Variants in FILIP1L observed in about 807,000 individuals in gnomAD.
FILIP1L encodes filamin A-interacting protein 1-like.
Under a neutral mutation model 96.6 loss-of-function variants are expected in FILIP1L, and 55 were observed. That is an observed-to-expected ratio of 0.57 (90% CI 0.46 to 0.71). The LOEUF (loss-of-function observed/expected upper bound fraction) is 0.71, where lower values mean the gene tolerates loss of function less well. Ranked by LOEUF, FILIP1L falls within the 30% of genes least tolerant of loss-of-function variation. The pLI is 0.00. For synonymous variants in FILIP1L, 467 were observed against 473.9 expected, an observed-to-expected ratio of 0.99 and a Z score of 0.19; for missense variants, 1,304 against 1,321.2, an observed-to-expected ratio of 0.99 and a Z score of 0.20.
At chr3:100,042,403 G>A (rs1017808283) in intron 1 of FILIP1L, among the ~76,000 whole-genome samples, 3 of 152,094 alleles carry the variant, frequency 2.0e-5, no homozygotes, top group Non-Finnish European at 4.4e-5. Flanking sequence ...CTGATGTTTC[G>A]TCAGCTAGCC....
chr3:99,854,570 AT>A (rs1943862431), intron 4 of FILIP1L, among the ~76,000 whole-genome samples: 1 of 152,244 alleles, frequency 6.6e-6, no homozygotes, highest in Non-Finnish European at 1.5e-5. Flanking sequence ...CACTGTTGAT[AT>A]TTGGGGCCAG....
At chr3:100,060,686 C>G (rs1049658367) in intron 1 of FILIP1L, among the ~76,000 whole-genome samples, 1 of 151,936 alleles carries the variant, frequency 6.6e-6, no homozygotes, top group Non-Finnish European at 1.5e-5. Flanking sequence ...GAAACCCCAT[C>G]TCCACAAAAA....
chr3:99,959,679 A>C (rs1708437064), intron 1 of FILIP1L, among the ~76,000 whole-genome samples: 1 of 152,220 alleles, frequency 6.6e-6, no homozygotes, highest in Admixed American at 6.5e-5. Flanking sequence ...AGTTGTAATA[A>C]AGATGCTTAT....
At chr3:99,915,334 T>C (rs1196223745) in intron 4 of FILIP1L, among the ~76,000 whole-genome samples, 4 of 152,200 alleles carry the variant, frequency 2.6e-5, no homozygotes, top group Non-Finnish European at 5.9e-5. Context: ...CTCTTGGTCC[T>C]GTGGAAGGGG....
chr3:99,920,590 C>T (rs527380012), intron 4 of FILIP1L, among the ~76,000 whole-genome samples: 4 of 152,302 alleles, frequency 2.6e-5, no homozygotes, highest in African/African-American at 9.6e-5. Context: ...CAGACCAAAC[C>T]GCACAGATTA....
At chr3:100,072,096 T>G (rs908072103) in intron 1 of FILIP1L, among the ~76,000 whole-genome samples, 5 of 152,208 alleles carry the variant, frequency 3.3e-5, no homozygotes, top group African/African-American at 4.8e-5. Flanking sequence ...AAGAGAAAGA[T>G]GGACTCATCA....
rs374199598 is a variant in FILIP1L at position 99,908,493 on chromosome 3, C to G, written c.605+15737G>C. Among the ~76,000 whole-genome samples the G allele has an allele frequency of 5.3e-5, 8 of 152,088 alleles. No homozygotes were observed. The East Asian group carries it at 9.7e-4, about 18-fold the overall frequency. ...AGGAATCTATACTTTTAAGTGTCTC[C>G]CCAGGCAATAATGATGATCACTTAG... On this transcript the variant is annotated intron_variant, in intron 4 of 5. Coordinates refer to ENST00000477258, the MANE Select transcript of FILIP1L (RefSeq NM_001387850.1).
intron 1 of FILIP1L, among the ~76,000 whole-genome samples, chr3:100,006,328 C>T (rs1709984671): frequency 1.3e-5 from 2 of 152,082 alleles, no homozygotes. Flanking sequence ...CCTAAATAAT[C>T]TCCAGATTTC....
chr3:99,914,089 G>C (rs181852999), intron 4 of FILIP1L, among the ~76,000 whole-genome samples: 1 of 152,270 alleles, frequency 6.6e-6, no homozygotes, highest in East Asian at 1.9e-4. Flanking sequence ...TTGGCAAAGT[G>C]GGCCTTAGAT....
intron 4 of FILIP1L, among the ~76,000 whole-genome samples, chr3:99,911,008 C>G (rs1257359998): frequency 6.6e-6 from 1 of 152,132 alleles, no homozygotes; most frequent in African/African-American, 2.4e-5. Context: ...CTGTTTCTTT[C>G]TCTTTTCCAG....
In FILIP1L at chr3:99,930,846, C is replaced by A. The variant is rs1287267448; in HGVS notation, c.175G>T (p.Gly59Cys). 1 of 1,612,808 alleles carries A rather than the reference C, an allele frequency of 6.2e-7. No individual in the cohort carries two copies. The highest frequency in any genetic ancestry group is 1.7e-5 in the Admixed American group (1 of 59,846). The part of the protein sequence containing the change: ...PCPKAEKPHS[G>C]NGHQAEDLSR... Reference sequence around the variant, plus strand: ...AGGTCTTCTGCTTGGTGGCCATTACCACTGTGTGGCTTCTCTGCCTTGGGA... The same window carrying A: ...AGGTCTTCTGCTTGGTGGCCATTACAACTGTGTGGCTTCTCTGCCTTGGGA... Residue 59 changes from glycine to cysteine, a missense_variant, in exon 2 of 6, where the codon GGT (glycine) becomes TGT (cysteine). Transcript: ENST00000477258.
Position 99,829,966 on chromosome 3 carries a change from A to G in FILIP1L, c.*448T>C, listed in dbSNP as rs1942619063. ...AAAGTGTGATTTTAATTGTCCTGTC[A>G]TCTTGATGGAAATAATCTGATTTTC... On this transcript the variant is annotated 3_prime_UTR_variant, in exon 6 of 6. Transcript: ENST00000477258. Among the ~76,000 whole-genome samples, 1 of 152,324 alleles carries G rather than the reference A, an allele frequency of 6.6e-6. No individual in the cohort carries two copies. Among genetic ancestry groups the G allele is most frequent in the East Asian group, 1.9e-4 (1 of 5,192 alleles).
At chr3:99,938,074 TGCGCGCGC>T (rs57534383) in intron 1 of FILIP1L, among the ~76,000 whole-genome samples, 1 of 85,210 alleles carries the variant, frequency 1.2e-5, no homozygotes, top group African/African-American at 4.0e-5. Context: ...TGTGTGTGTG[TGCGCGCGC>T]GCGCGCGCGT....
intron 4 of FILIP1L, among the ~76,000 whole-genome samples, chr3:99,876,667 T>C (rs1705542972): frequency 6.6e-6 from 1 of 152,352 alleles, no homozygotes; most frequent in South Asian, 2.1e-4. Context: ...CTCTTTCCTC[T>C]TTGTAATGAG....
chr3:99,926,901 G>A lies in FILIP1L; in HGVS notation c.427-2493C>T, dbSNP rs556137877. On this transcript the variant is annotated intron_variant, in intron 3 of 5. Coordinates refer to ENST00000477258, the MANE Select transcript of FILIP1L (RefSeq NM_001387850.1). ...CTTCATTTATTCCATGACCCCCTAAGTGGTCTCCCTTCCTCTAGCCTTACC... is the reference window on the plus strand; with the variant it reads ...CTTCATTTATTCCATGACCCCCTAAATGGTCTCCCTTCCTCTAGCCTTACC... 7.2e-5 allele frequency among the ~76,000 whole-genome samples: 11 copies of A among 152,246 alleles called. No individual in the cohort carries two copies. In the East Asian group the frequency reaches 9.7e-4, roughly 13 times the overall value.
Position 99,886,994 on chromosome 3 carries a change from G to A in FILIP1L, c.606-35924C>T, listed in dbSNP as rs545485866. ...CAAAAAAAAAAAAAAAGTACTGGCC[G>A]GGTGTGGTGGCTCATGCCTGTAATC... On this transcript the variant is annotated intron_variant, in intron 4 of 5. Transcript: ENST00000477258. Among the ~76,000 whole-genome samples, 13 of 143,076 alleles carry A rather than the reference G, an allele frequency of 9.1e-5. No individual in the cohort carries two copies. In the South Asian group the frequency reaches 1.4e-3, roughly 15 times the overall value. 93.9% of individuals were successfully genotyped at this position (143,076 alleles called of 152,430 possible).
intron 5 of FILIP1L, among the ~76,000 whole-genome samples, chr3:99,843,906 G>A (rs553113265): frequency 6.6e-6 from 1 of 152,292 alleles, no homozygotes; most frequent in South Asian, 2.1e-4. Flanking sequence ...CTGCACATGC[G>A]AGGGGTCTAG....
Position 99,924,315 on chromosome 3 carries a change from C to T in FILIP1L, c.520G>A (p.Glu174Lys). 1 of 1,614,018 alleles carries T rather than the reference C, an allele frequency of 6.2e-7. No individual in the cohort carries two copies. The highest frequency in any genetic ancestry group is 8.5e-7 in the Non-Finnish European group (1 of 1,179,896). Residue 174 changes from glutamate to lysine, a missense_variant, in exon 4 of 6, where the codon GAG becomes AAG. Coordinates refer to ENST00000477258, the MANE Select transcript of FILIP1L (RefSeq NM_001387850.1). Reference protein sequence around the residue: ...AEKSRRQTILELEEEKRKHKE... With the variant: ...AEKSRRQTILKLEEEKRKHKE... Reference sequence around the variant, plus strand: ...TGTTTTCTCTTTTCTTCCTCCAACTCCAATATGGTTTGCCTACGGGATTTT... The same window carrying T: ...TGTTTTCTCTTTTCTTCCTCCAACTTCAATATGGTTTGCCTACGGGATTTT...
intron 4 of FILIP1L, among the ~76,000 whole-genome samples, chr3:99,902,496 G>GAT (rs756395464): frequency 6.6e-6 from 1 of 152,174 alleles, no homozygotes; most frequent in Non-Finnish European, 1.5e-5. Context: ...AAGTTATCTT[G>GAT]ATATATAAGG....
Sources: gnomAD v4.1 joint callset for allele counts (sites outside exome capture counted in the v4.1 genomes callset) on GRCh38, gnomAD v4.1.1 for gene constraint, MANE v1.5 for transcripts, NCBI Gene and HGNC (gene_info 2026-07-23, HGNC 2026-07-21) for gene names.